The following COL23A1 variants were observed in gnomAD, a reference collection of about 807,000 sequenced individuals.
The protein encoded by COL23A1 is collagen type XXIII alpha 1 chain, also known as collagen alpha-1(XXIII) chain.
COL23A1 carries 97 observed loss-of-function variants against 99.3 expected under a neutral mutation model. The observed-to-expected ratio is 0.98, with a 90% CI of 0.83 to 1.16. COL23A1 has a LOEUF of 1.16. Ranked by LOEUF, COL23A1 falls within the 50% of genes most tolerant of loss-of-function variation. The pLI is 0.00. For synonymous variants in COL23A1, 320 were observed against 308.2 expected (o/e 1.04, Z -0.40); for missense variants, 762 against 757.4 (o/e 1.01, Z -0.07).
intron 17 of COL23A1, among the ~76,000 whole-genome samples, chr5:178,251,224 T>C (rs1369739753): frequency 1.3e-5 from 2 of 152,096 alleles, no homozygotes; most frequent in African/African-American, 2.4e-5. Context: ...TGTTTCACCA[T>C]ATTGGCCAGG....
At chr5:178,429,536 A>G (rs1355713081) in intron 2 of COL23A1, among the ~76,000 whole-genome samples, 1 of 152,230 alleles carries the variant, frequency 6.6e-6, no homozygotes, top group Non-Finnish European at 1.5e-5. Context: ...TGTAAACTGT[A>G]GATTTAGTGA....
At chr5:178,492,637 G>A (rs1057449124) in intron 2 of COL23A1, among the ~76,000 whole-genome samples, 8 of 151,668 alleles carry the variant, frequency 5.3e-5, no homozygotes, top group African/African-American at 1.9e-4. Flanking sequence ...CCTCGAGGAT[G>A]TTACACGAAG....
At chr5:178,354,712 G>A (rs1172493028) in intron 2 of COL23A1, among the ~76,000 whole-genome samples, 1 of 152,178 alleles carries the variant, frequency 6.6e-6, no homozygotes, top group Non-Finnish European at 1.5e-5. Flanking sequence ...CCCAGAAGCA[G>A]AAGCCACTAT....
At chr5:178,431,685 A>T (rs1360605989) in intron 2 of COL23A1, among the ~76,000 whole-genome samples, 7 of 152,242 alleles carry the variant, frequency 4.6e-5, no homozygotes, top group Non-Finnish European at 1.0e-4. Context: ...AGCCTCCAGA[A>T]GGAAGCTGCC....
In COL23A1 at chr5:178,308,826, TC is replaced by T. The variant is rs928823558; in HGVS notation, c.362-1908del. On this transcript the variant is annotated intron_variant, in intron 2 of 28. Transcript: ENST00000390654. This position sits in a 1 kb window ranked among gnomAD's most constrained non-coding sequence, Gnocchi z 5.1. ...AGGTTTGGGGGGCAGGTCAGCACTC[TC>T]GGGGGGGGCTTTCCTCCTCTCTGGG... Among the ~76,000 whole-genome samples the T allele has an allele frequency of 5.9e-4, 44 of 74,664 alleles. 1 individual carries two copies. The highest frequency in any genetic ancestry group is 2.1e-3 in the African/African-American group (43 of 20,850). 49.0% of individuals were successfully genotyped at this position (74,664 alleles called of 152,430 possible).
intron 2 of COL23A1, among the ~76,000 whole-genome samples, chr5:178,503,630 A>T (rs901283952): frequency 3.3e-5 from 5 of 152,114 alleles, no homozygotes; most frequent in African/African-American, 9.7e-5. Context: ...ATGTAAACGC[A>T]TGTGTGTGCC....
intron 2 of COL23A1, among the ~76,000 whole-genome samples, chr5:178,535,949 G>A (rs1340958589): frequency 6.6e-6 from 1 of 152,250 alleles, no homozygotes; most frequent in African/African-American, 2.4e-5. Context: ...TCTGACCCCT[G>A]GATTCCCAGG....
intron 2 of COL23A1, among the ~76,000 whole-genome samples, chr5:178,541,582 T>A (rs1004512026): frequency 6.6e-6 from 1 of 152,082 alleles, no homozygotes; most frequent in African/African-American, 2.4e-5. Context: ...CTCAGAAGAT[T>A]TGGAACTATT....
At position 178,340,898 on chromosome 5, in the gene COL23A1, A is replaced by G. The variant is rs1181138679; in HGVS notation, c.362-33979T>C. 6.6e-6 allele frequency among the ~76,000 whole-genome samples: 1 copy of G among 152,222 alleles called. No homozygotes were observed. The highest frequency in any genetic ancestry group is 1.5e-5 in the Non-Finnish European group (1 of 68,038). On this transcript the variant is annotated intron_variant, in intron 2 of 28. Transcript: ENST00000390654. The surrounding 1 kb of genome is among the most constrained non-coding windows in gnomAD (Gnocchi z 4.7). Reference sequence around the variant, plus strand: ...GCTGATGTGCATGGGCGCGGGGCTCAAGGTCAGACCCCGCAGGGGTGGCTG... The same window carrying G: ...GCTGATGTGCATGGGCGCGGGGCTCGAGGTCAGACCCCGCAGGGGTGGCTG...
At position 178,456,236 on chromosome 5, in the gene COL23A1, T is replaced by C. The variant is rs77473030; in HGVS notation, c.361+104446A>G. ...AAAAATAAATGAAGTCTTCTATACTTCCCTAGGCTTCTATAATTCCATGGC... is the reference window on the plus strand; with the variant it reads ...AAAAATAAATGAAGTCTTCTATACTCCCCTAGGCTTCTATAATTCCATGGC... On this transcript the variant is annotated intron_variant, in intron 2 of 28. Coordinates refer to ENST00000390654, the MANE Select transcript of COL23A1 (RefSeq NM_173465.4). Among the ~76,000 whole-genome samples, 937 of 152,346 alleles carry C rather than the reference T, an allele frequency of 6.2e-3. 12 individuals are homozygous for C. The highest frequency in any genetic ancestry group is 0.021 in the African/African-American group (894 of 41,582).
At chr5:178,254,757 A>G (rs778997027) in intron 16 of COL23A1, among the ~76,000 whole-genome samples, 192 bp downstream of exon 16, 1 of 152,106 alleles carries the variant, frequency 6.6e-6, no homozygotes, top group Non-Finnish European at 1.5e-5. Flanking sequence ...CCACATTCAC[A>G]GGGGCTCTCT....
At chr5:178,367,101 C>T (rs1201074657) in intron 2 of COL23A1, among the ~76,000 whole-genome samples, 1 of 152,192 alleles carries the variant, frequency 6.6e-6, no homozygotes, top group Non-Finnish European at 1.5e-5. Flanking sequence ...AGACAAAATT[C>T]AGTTGCGGTC....
At chr5:178,571,314 A>G (rs906754078) in intron 1 of COL23A1, among the ~76,000 whole-genome samples, 4 of 152,112 alleles carry the variant, frequency 2.6e-5, no homozygotes, top group Non-Finnish European at 5.9e-5. Context: ...GTGAGCCAAG[A>G]TCGCACCACT....
chr5:178,405,140 G>A (rs568818868), intron 2 of COL23A1, among the ~76,000 whole-genome samples: 1 of 152,300 alleles, frequency 6.6e-6, no homozygotes, highest in East Asian at 1.9e-4. Flanking sequence ...GCAGCCCAAG[G>A]GCCAGATGGG....
At chr5:178,454,323 G>C (rs923974001) in intron 2 of COL23A1, among the ~76,000 whole-genome samples, 2 of 152,208 alleles carry the variant, frequency 1.3e-5, no homozygotes, top group African/African-American at 2.4e-5. Flanking sequence ...AAGCAACTCA[G>C]ATCAAAAAGT....
chr5:178,407,059 G>A (rs555801283), intron 2 of COL23A1, among the ~76,000 whole-genome samples: 5 of 152,220 alleles, frequency 3.3e-5, no homozygotes, highest in South Asian at 4.2e-4. Flanking sequence ...TGTTTGTTTC[G>A]GTCTCATATA....
chr5:178,365,480 C>A lies in COL23A1; in HGVS notation c.362-58561G>T, dbSNP rs1762421871. On this transcript the variant is annotated intron_variant, in intron 2 of 28. Transcript: ENST00000390654. The surrounding 1 kb of genome is among the most constrained non-coding windows in gnomAD (Gnocchi z 5.2). Reference sequence around the variant, plus strand: ...AATCCCTCTTTCTTTTGACGGGTACCCGCCACCCAATCCCTCTTTCTTCTG... The same window carrying A: ...AATCCCTCTTTCTTTTGACGGGTACACGCCACCCAATCCCTCTTTCTTCTG... Among the ~76,000 whole-genome samples, 1 of 151,978 alleles carries A rather than the reference C, an allele frequency of 6.6e-6. No homozygotes were observed. The highest frequency in any genetic ancestry group is 1.5e-5 in the Non-Finnish European group (1 of 67,988).
intron 2 of COL23A1, among the ~76,000 whole-genome samples, chr5:178,467,537 G>A (rs1411269627): frequency 1.3e-5 from 2 of 152,068 alleles, no homozygotes; most frequent in East Asian, 1.9e-4. Context: ...TTTAGGGGGC[G>A]GTAGTCGGAG....
At chr5:178,284,267 G>A (rs996235728) in intron 5 of COL23A1, among the ~76,000 whole-genome samples, 1 of 152,100 alleles carries the variant, frequency 6.6e-6, no homozygotes, top group Non-Finnish European at 1.5e-5. Context: ...CCTTTACCAC[G>A]AGGTGACAGG....
Sources: allele counts gnomAD v4.1 joint callset (sites outside exome capture counted in the v4.1 genomes callset), GRCh38; gene constraint gnomAD v4.1.1; non-coding constraint Gnocchi (gnomAD v3.1); transcripts MANE v1.5; gene names NCBI Gene and HGNC (gene_info 2026-07-23, HGNC 2026-07-21).